Variants in TIAM2 observed in about 807,000 individuals in gnomAD.
TIAM2 encodes the protein TIAM Rac1 associated GEF 2.
TIAM2 carries 80 observed loss-of-function variants against 152.9 expected under a neutral mutation model. The ratio of observed to expected loss-of-function variants is 0.52; its 90% CI spans 0.44 to 0.63. TIAM2 has a LOEUF of 0.63. Ranked by LOEUF, TIAM2 falls within the 30% of genes least tolerant of loss-of-function variation. The pLI is 0.00. For synonymous variants in TIAM2, 804 were observed against 838.0 expected (o/e 0.96, Z 0.70); for missense variants, 1,965 against 2,120.1 (o/e 0.93, Z 1.44).
chr6:155,240,787 C>G, intron 16 of TIAM2, 78 bp downstream of exon 16: 1 of 1,451,474 alleles, frequency 6.9e-7, no homozygotes, highest in South Asian at 1.3e-5. Flanking sequence ...GTCCCCAGAT[C>G]ACCTCTGCCC....
chr6:155,220,304 G>A (rs1781999506), intron 15 of TIAM2, among the ~76,000 whole-genome samples: 1 of 152,260 alleles, frequency 6.6e-6, no homozygotes, highest in South Asian at 2.1e-4. Context: ...CTCAGAGTCT[G>A]CCTGCAGCTG....
chr6:155,099,021 T>C (rs1778486874), intron 2 of TIAM2, among the ~76,000 whole-genome samples: 1 of 152,058 alleles, frequency 6.6e-6, no homozygotes, highest in Non-Finnish European at 1.5e-5. Flanking sequence ...AACTCCATCT[T>C]TACTAAAAAT....
chr6:155,108,957 A>C lies in TIAM2; in HGVS notation c.-117-18533A>C, dbSNP rs147237403. On this transcript the variant is annotated intron_variant, in intron 2 of 26. Coordinates refer to ENST00000682666, the MANE Select transcript of TIAM2 (RefSeq NM_012454.4). ...TTATGTGATTATAATAAATCAGGTT[A>C]GTGAGATCCCTTAGTTCAACTTTTT... is the stretch of plus-strand genomic sequence containing the variant. Among the ~76,000 whole-genome samples the C allele has an allele frequency of 4.1e-3, 619 of 152,264 alleles. 6 individuals are homozygous for C. Among genetic ancestry groups the C allele is most frequent in the African/African-American group, 0.013 (554 of 41,552 alleles).
chr6:155,079,875 G>A lies in TIAM2; in HGVS notation c.-208-10414G>A, dbSNP rs528424595. Reference sequence around the variant, plus strand: ...AGGTAGGAGAATCGCTTGAAACTGGGAGGCAGAGGTTGCAGTGAGACGAGA... The same window carrying A: ...AGGTAGGAGAATCGCTTGAAACTGGAAGGCAGAGGTTGCAGTGAGACGAGA... On this transcript the variant is annotated intron_variant, in intron 1 of 26. Coordinates refer to ENST00000682666, the MANE Select transcript of TIAM2 (RefSeq NM_012454.4). Among the ~76,000 whole-genome samples, 3 of 152,252 alleles carry A rather than the reference G, an allele frequency of 2.0e-5. No individual in the cohort carries two copies. The East Asian group carries it at 5.9e-4, about 30-fold the overall frequency.
chr6:155,202,948 G>T (rs1781509445), intron 14 of TIAM2, among the ~76,000 whole-genome samples: 2 of 149,732 alleles, frequency 1.3e-5, no homozygotes, highest in African/African-American at 2.5e-5. Context: ...AGCTACTCAG[G>T]AGGCTGAGGC....
intron 7 of TIAM2, among the ~76,000 whole-genome samples, chr6:155,150,227 A>C (rs1779921045): frequency 6.6e-6 from 1 of 152,246 alleles, no homozygotes; most frequent in Non-Finnish European, 1.5e-5. Flanking sequence ...AAATAAAAAT[A>C]ATTGTAAAAT....
intron 1 of TIAM2, among the ~76,000 whole-genome samples, chr6:155,028,617 CATATA>C (rs1423584885): frequency 2.6e-5 from 3 of 114,034 alleles, no homozygotes; most frequent in South Asian, 3.0e-4. Context: ...ATATATACTA[CATATA>C]ATATATATAC....
intron 7 of TIAM2, among the ~76,000 whole-genome samples, chr6:155,152,944 A>G (rs1228301462): frequency 1.3e-5 from 2 of 152,190 alleles, no homozygotes; most frequent in African/African-American, 4.8e-5. Flanking sequence ...TGATGACATC[A>G]TAGTTGGTGC....
At chr6:155,054,260 G>A (rs1300342906) in intron 1 of TIAM2, among the ~76,000 whole-genome samples, 1 of 152,146 alleles carries the variant, frequency 6.6e-6, no homozygotes, top group Non-Finnish European at 1.5e-5. Context: ...CTCGTACTCT[G>A]TGCACTGATG....
chr6:155,132,446 G>A (rs778615723), intron 4 of TIAM2, among the ~76,000 whole-genome samples: 12 of 151,846 alleles, frequency 7.9e-5, no homozygotes, highest in Non-Finnish European at 1.8e-4. Flanking sequence ...TTCACACAGA[G>A]GTGAAGAACA....
chr6:155,119,592 G>A (rs1312584373), intron 2 of TIAM2, among the ~76,000 whole-genome samples: 1 of 152,170 alleles, frequency 6.6e-6, no homozygotes, highest in African/African-American at 2.4e-5. Flanking sequence ...GCCTGCCTTG[G>A]CCTTCCAAAA....
In TIAM2 at chr6:155,250,616, C is replaced by T. The variant is rs997902073; in HGVS notation, c.3952-297C>T. 3.6e-5 allele frequency: 55 copies of T among 1,535,858 alleles called. No individual in the cohort carries two copies. The African/African-American group carries it at 4.8e-4, about 13-fold the overall frequency. ...TACAAAAGGCACTCTGGAAGAACCA[C>T]GGACACTGGTAGAGTTCATCTTATG... is the stretch of plus-strand genomic sequence containing the variant. On this transcript the variant is annotated intron_variant, in intron 21 of 26. Transcript: ENST00000682666.
At chr6:154,996,776 T>C (rs1334830199) in intron 1 of TIAM2, among the ~76,000 whole-genome samples, 1 of 152,224 alleles carries the variant, frequency 6.6e-6, no homozygotes, top group East Asian at 1.9e-4. Context: ...GTTTTAAAAA[T>C]ATAGTATCAT....
intron 4 of TIAM2, among the ~76,000 whole-genome samples, chr6:155,136,976 A>G (rs1268278252): frequency 6.6e-6 from 1 of 152,228 alleles, no homozygotes; most frequent in Non-Finnish European, 1.5e-5. Flanking sequence ...ATTCTACTGG[A>G]TATAAATTGA....
chr6:155,196,127 AG>A (rs1781341529), intron 14 of TIAM2, among the ~76,000 whole-genome samples: 1 of 152,236 alleles, frequency 6.6e-6, no homozygotes, highest in Admixed American at 6.5e-5. Context: ...GCGAGAGGTG[AG>A]GGGGTGGAGT....
At chr6:155,059,594 A>G (rs1562303913) in intron 1 of TIAM2, among the ~76,000 whole-genome samples, 1 of 152,118 alleles carries the variant, frequency 6.6e-6, no homozygotes, top group East Asian at 1.9e-4. Context: ...GGGATTACAG[A>G]TGAGAGCCAC....
chr6:155,175,335 T>C (rs962860767), intron 9 of TIAM2, among the ~76,000 whole-genome samples: 2 of 152,240 alleles, frequency 1.3e-5, no homozygotes, highest in Admixed American at 6.5e-5. Flanking sequence ...TCTTCTAGTT[T>C]TTAAATCCTG....
chr6:155,118,133 G>A (rs1234947348), intron 2 of TIAM2, among the ~76,000 whole-genome samples: 2 of 152,126 alleles, frequency 1.3e-5, no homozygotes, highest in African/African-American at 4.8e-5. Context: ...GGTGTAAGGG[G>A]ATGGGCAGGG....
intron 1 of TIAM2, among the ~76,000 whole-genome samples, chr6:155,006,617 G>C (rs1465846586): frequency 6.7e-6 from 1 of 148,182 alleles, no homozygotes; most frequent in Non-Finnish European, 1.5e-5. Context: ...AGTGAGCTGA[G>C]ATTGTGCCAT....
Sources: gnomAD v4.1 joint callset for allele counts (sites outside exome capture counted in the v4.1 genomes callset) on GRCh38, gnomAD v4.1.1 for gene constraint, MANE v1.5 for transcripts, NCBI Gene and HGNC (gene_info 2026-07-23, HGNC 2026-07-21) for gene names.